The following STS variants were observed in gnomAD, a reference collection of about 807,000 sequenced individuals.
STS encodes steryl-sulfatase.
Under a neutral mutation model 26.8 loss-of-function variants are expected in STS, and 7 were observed. The observed-to-expected ratio is 0.26, with a 90% CI of 0.15 to 0.49. The LOEUF (loss-of-function observed/expected upper bound fraction) is 0.49. STS is among the 20% of genes least tolerant of loss of function. The pLI is 0.98. For synonymous variants in STS, 199 were observed against 189.4 expected, an observed-to-expected ratio of 1.05 and a Z score of -0.42; for missense variants, 434 against 465.6, an observed-to-expected ratio of 0.93 and a Z score of 0.63.
At chrX:7,236,809 A>G (rs769968283) in intron 2 of STS, among the ~76,000 whole-genome samples, 1 of 111,758 alleles carries the variant, frequency 8.9e-6, no homozygotes, top group Non-Finnish European at 1.9e-5. Flanking sequence ...TTGTGTACAC[A>G]ACGCATAAAT....
chrX:7,317,221 C>T (rs1273140629), intron 8 of STS, among the ~76,000 whole-genome samples: 1 of 111,282 alleles, frequency 9.0e-6, no homozygotes, highest in Non-Finnish European at 1.9e-5. Flanking sequence ...AAAAGTTAAA[C>T]TTAGACCATG....
At chrX:7,314,464 C>A (rs1232210310) in intron 8 of STS, among the ~76,000 whole-genome samples, 2 of 112,220 alleles carry the variant, frequency 1.8e-5, no homozygotes, top group Non-Finnish European at 3.8e-5. Context: ...GAGTAGGGAC[C>A]AGACAGATGG....
In STS at chrX:7,252,187, GTGAGT is replaced by G. The variant is rs754784327; in HGVS notation, c.-4-1007_-4-1003del. The G allele has an allele frequency of 3.9e-4, 169 of 428,906 alleles. 1 individual carries two copies. In the African/African-American group the frequency reaches 4.2e-3, roughly 11 times the overall value. The allele number at this position is 428,906 out of a possible 1,213,427, so 35.3% of individuals were successfully genotyped here. ...AGATGAGAAACAGAAAGAGAAAGTA[GTGAGT>G]TTTGTCTCCTGATGTCAGGGTCAGA... is the stretch of plus-strand genomic sequence containing the variant. On this transcript the variant is annotated intron_variant, in intron 2 of 10. Coordinates refer to ENST00000674429, the MANE Select transcript of STS (RefSeq NM_001320752.2).
chrX:7,201,923 C>T (rs1217530286), intron 2 of STS, among the ~76,000 whole-genome samples: 12 of 110,763 alleles, frequency 1.1e-4, no homozygotes, highest in African/African-American at 3.9e-4. Flanking sequence ...CCACGATGCT[C>T]ATAATGGTTA....
chrX:7,292,790 G>A (rs1211453481), intron 7 of STS, among the ~76,000 whole-genome samples: 1 of 111,000 alleles, frequency 9.0e-6, no homozygotes, highest in Admixed American at 9.7e-5. Context: ...TCAGAGTCCT[G>A]CTTGAAGCAT....
intron 4 of STS, 41 bp from the exon 5 acceptor site, chrX:7,257,425 G>A (rs372806768): frequency 4.1e-6 from 5 of 1,210,843 alleles, no homozygotes; most frequent in Admixed American, 4.4e-5. Flanking sequence ...CCACCTCGAG[G>A]TATCTCCTGG....
chrX:7,310,150 T>G (rs1303424499), intron 8 of STS, among the ~76,000 whole-genome samples: 1 of 112,093 alleles, frequency 8.9e-6, no homozygotes, highest in Admixed American at 9.5e-5. Flanking sequence ...CCATACCATG[T>G]GATTATGATT....
intron 8 of STS, among the ~76,000 whole-genome samples, 192 bp from the exon 9 acceptor site, chrX:7,325,147 T>C (rs1488932376): frequency 1.2e-4 from 13 of 111,889 alleles, no homozygotes; most frequent in African/African-American, 3.6e-4. Flanking sequence ...TCACATATGG[T>C]GGTGACTGTA....
chrX:7,222,889 A>G (rs1272846791), intron 2 of STS, among the ~76,000 whole-genome samples: 2 of 111,354 alleles, frequency 1.8e-5, no homozygotes, highest in Non-Finnish European at 3.8e-5. Context: ...TAATTTTTCA[A>G]CCCTCACTCC....
At chrX:7,307,714 C>T (rs1420631142) in intron 8 of STS, among the ~76,000 whole-genome samples, 1 of 111,781 alleles carries the variant, frequency 8.9e-6, no homozygotes, top group Non-Finnish European at 1.9e-5. Context: ...CAAAAACAAA[C>T]ATGATATCTG....
chrX:7,248,215 A>G (rs1261712376), intron 2 of STS, among the ~76,000 whole-genome samples: 3 of 112,247 alleles, frequency 2.7e-5, no homozygotes, highest in Non-Finnish European at 5.6e-5. Context: ...TGTTGCCACA[A>G]TAATGTCATG....
chrX:7,191,433 A>G (rs1212584558), intron 2 of STS, among the ~76,000 whole-genome samples: 1 of 112,286 alleles, frequency 8.9e-6, no homozygotes, highest in Non-Finnish European at 1.9e-5. Context: ...AACATGGCAC[A>G]GTGGGAAGGC....
rs1204775055 is a variant in STS, at chrX:7,352,341, T to C, written c.*2080T>C. The C allele has an allele frequency of 8.9e-6, 1 of 112,402 alleles. No homozygotes were observed. Among genetic ancestry groups the C allele is most frequent in the African/African-American group, 3.2e-5 (1 of 30,960 alleles). The allele number at this position is 112,402 out of a possible 1,213,427, so 9.3% of individuals were successfully genotyped here. A position where few individuals can be genotyped will look rare whatever the true frequency, so the allele number is the denominator to read the frequency against. On this transcript the variant is annotated 3_prime_UTR_variant, in exon 11 of 11. Coordinates refer to ENST00000674429, the MANE Select transcript of STS (RefSeq NM_001320752.2). ...GCCTATTTGTGTCTAGAACCAGTTA[T>C]TTAACCTGTAAAATGTCAATAGCAA...
intron 1 of STS, among the ~76,000 whole-genome samples, chrX:7,176,712 A>C (rs922943161): frequency 9.0e-6 from 1 of 111,361 alleles, no homozygotes; most frequent in African/African-American, 3.3e-5. Flanking sequence ...GCCCCTTATA[A>C]AACCATCAGA....
intron 1 of STS, among the ~76,000 whole-genome samples, chrX:7,159,182 AT>A (rs200356704): frequency 0.011 from 1,239 of 111,098 alleles, 11 homozygotes; most frequent in Non-Finnish European, 0.014. Context: ...GAGGAAACTA[AT>A]AAAAGAGAAA....
chrX:7,186,280 A>T (rs1933770770), intron 1 of STS, among the ~76,000 whole-genome samples: 1 of 112,437 alleles, frequency 8.9e-6, no homozygotes, highest in Admixed American at 9.4e-5. Context: ...AACATTTAAC[A>T]TCCATATAAA....
At chrX:7,230,354 A>G (rs1811699189) in intron 2 of STS, among the ~76,000 whole-genome samples, 1 of 111,966 alleles carries the variant, frequency 8.9e-6, no homozygotes, top group African/African-American at 3.2e-5. Context: ...ACTCCTAGGT[A>G]TGTACCCAAA....
intron 10 of STS, among the ~76,000 whole-genome samples, chrX:7,342,352 A>G (rs1928330415): frequency 9.0e-6 from 1 of 111,525 alleles, no homozygotes; most frequent in Non-Finnish European, 1.9e-5. Flanking sequence ...AAGGACAGCT[A>G]GAATATCAAT....
intron 2 of STS, among the ~76,000 whole-genome samples, chrX:7,242,237 C>A (rs1240613630): frequency 9.0e-6 from 1 of 111,007 alleles, no homozygotes; most frequent in Non-Finnish European, 1.9e-5. Flanking sequence ...TTGTTCAAAA[C>A]TCTATTAGTG....
Sources: allele counts gnomAD v4.1 joint callset (sites outside exome capture counted in the v4.1 genomes callset), GRCh38; gene constraint gnomAD v4.1.1; transcripts MANE v1.5; gene names NCBI Gene and HGNC (gene_info 2026-07-23, HGNC 2026-07-21).